The following CAMKMT variants were observed in gnomAD, a reference collection of about 807,000 sequenced individuals.
CAMKMT encodes the protein calmodulin-lysine N-methyltransferase.
Under a neutral mutation model 48.0 loss-of-function variants are expected in CAMKMT, and 53 were observed. The ratio of observed to expected loss-of-function variants is 1.10; its 90% confidence interval spans 0.89 to 1.39. The LOEUF (loss-of-function observed/expected upper bound fraction) is 1.39, where lower values mean the gene tolerates loss of function less well. Ranked by LOEUF, CAMKMT falls within the 40% of genes most tolerant of loss-of-function variation. CAMKMT has a pLI of 0.00. For missense variants in CAMKMT, 428 were observed against 402.7 expected, an observed-to-expected ratio of 1.06 and a Z score of -0.54; for synonymous variants, 165 against 152.3, an observed-to-expected ratio of 1.08 and a Z score of -0.61.
chr2:44,439,043 T>A lies in CAMKMT; in HGVS notation c.376+48738T>A, dbSNP rs148623816. On this transcript the variant is annotated intron_variant, in intron 3 of 10. Coordinates refer to ENST00000378494, the MANE Select transcript of CAMKMT (RefSeq NM_024766.5). Reference sequence around the variant, plus strand: ...ATTTTTGTACCTGTTTTAATTAAACTGATGACCTGAGCAAAGGGACAGGTA... The same window carrying A: ...ATTTTTGTACCTGTTTTAATTAAACAGATGACCTGAGCAAAGGGACAGGTA... Among the ~76,000 whole-genome samples the A allele has an allele frequency of 2.7e-3, 404 of 152,322 alleles. 2 individuals are homozygous for A. The highest frequency in any genetic ancestry group is 9.1e-3 in the African/African-American group (380 of 41,566).
chr2:44,704,658 CAATCCTTACTGATTGTGAAGGTCAAAAAA>C (rs1677446908), intron 4 of CAMKMT, among the ~76,000 whole-genome samples: 1 of 120,816 alleles, frequency 8.3e-6, no homozygotes, highest in Admixed American at 8.7e-5. Flanking sequence ...AAGCTCCAAT[CAATCCTTACTGATTGTGAAGGTCAAAAAA>C]AAAAAAAAAA....
intron 2 of CAMKMT, among the ~76,000 whole-genome samples, chr2:44,378,549 A>C (rs1045569866): frequency 3.6e-4 from 55 of 152,304 alleles, no homozygotes; most frequent in African/African-American, 1.3e-3. Context: ...GCTGGAGTGC[A>C]GTGGTGCAAT....
chr2:44,722,950 G>A (rs549987358), intron 7 of CAMKMT, among the ~76,000 whole-genome samples: 16 of 152,164 alleles, frequency 1.1e-4, no homozygotes, highest in Non-Finnish European at 1.0e-4. Context: ...CATGAGGGGG[G>A]TCTGAATGTT....
intron 3 of CAMKMT, among the ~76,000 whole-genome samples, chr2:44,466,972 C>T (rs768282831): frequency 2.0e-4 from 31 of 152,148 alleles, no homozygotes; most frequent in Non-Finnish European, 4.6e-4. Context: ...AAAAATAGGC[C>T]AGTCACGGTG....
intron 2 of CAMKMT, among the ~76,000 whole-genome samples, chr2:44,388,643 A>T (rs998740673): frequency 6.6e-6 from 1 of 152,166 alleles, no homozygotes; most frequent in East Asian, 1.9e-4. Flanking sequence ...AGGCTCCGTC[A>T]GAGGGAAGGT....
intron 2 of CAMKMT, among the ~76,000 whole-genome samples, chr2:44,386,960 C>A (rs1483482934): frequency 1.3e-5 from 2 of 152,042 alleles, no homozygotes; most frequent in African/African-American, 4.8e-5. Flanking sequence ...GGAGAAAGTT[C>A]CATGTGCTGT....
intron 6 of CAMKMT, 73 bp from the exon 7 acceptor site, chr2:44,715,214 A>ATT: frequency 1.4e-5 from 11 of 793,600 alleles, no homozygotes; most frequent in South Asian, 1.8e-5. Flanking sequence ...AAAAAAAAAG[A>ATT]TAACTGTTTC....
chr2:44,408,175 A>G (rs1333665387), intron 3 of CAMKMT, among the ~76,000 whole-genome samples: 1 of 151,666 alleles, frequency 6.6e-6, no homozygotes, highest in Non-Finnish European at 1.5e-5. Flanking sequence ...ACAGGTGCAC[A>G]CCACCACGTC....
intron 10 of CAMKMT, among the ~76,000 whole-genome samples, chr2:44,768,720 T>A (rs902822594): frequency 6.6e-6 from 1 of 152,178 alleles, no homozygotes; most frequent in Non-Finnish European, 1.5e-5. Flanking sequence ...CTGGCGGCTT[T>A]TGTTGGCCGC....
rs1282065719 is a variant in CAMKMT at position 44,656,469 on chromosome 2, T to C, written c.377-47814T>C. On this transcript the variant is annotated intron_variant, in intron 3 of 10. Transcript: ENST00000378494. ...ATGTAAACTCAGGTACATTACAGCTTTTCTCAAAAAGAATTTAATTATAAG... is the reference window on the plus strand; with the variant it reads ...ATGTAAACTCAGGTACATTACAGCTCTTCTCAAAAAGAATTTAATTATAAG... Among the ~76,000 whole-genome samples, 4 of 152,240 alleles carry C rather than the reference T, an allele frequency of 2.6e-5. No individual in the cohort carries two copies. The East Asian group carries it at 7.7e-4, about 29-fold the overall frequency.
chr2:44,678,692 T>C (rs961255064), intron 3 of CAMKMT, among the ~76,000 whole-genome samples: 4 of 152,246 alleles, frequency 2.6e-5, no homozygotes, highest in African/African-American at 4.8e-5. Context: ...CTTGTATTTT[T>C]ATCTCATGAG....
At chr2:44,374,117 CAAAAAA>C (rs59922847) in intron 2 of CAMKMT, among the ~76,000 whole-genome samples, 13 of 66,390 alleles carry the variant, frequency 2.0e-4, no homozygotes, top group African/African-American at 6.3e-4. Flanking sequence ...GACTCTGCCT[CAAAAAA>C]AAAAAAAAAA....
At chr2:44,655,571 T>G (rs75831983) in intron 3 of CAMKMT, among the ~76,000 whole-genome samples, 2,154 of 152,344 alleles carry the variant, frequency 0.014, 17 homozygotes, top group South Asian at 0.031. Flanking sequence ...TTCAACCATC[T>G]GAACTTATCT....
At chr2:44,585,144 A>G (rs915339483) in intron 3 of CAMKMT, among the ~76,000 whole-genome samples, 3 of 152,162 alleles carry the variant, frequency 2.0e-5, no homozygotes, top group Non-Finnish European at 2.9e-5. Flanking sequence ...TATACCTCCT[A>G]TAAGCCAGTC....
intron 3 of CAMKMT, among the ~76,000 whole-genome samples, chr2:44,425,850 C>A (rs1572845057): frequency 6.6e-6 from 1 of 152,100 alleles, no homozygotes; most frequent in African/African-American, 2.4e-5. Flanking sequence ...CCTGCCTCAG[C>A]CTCCCAAGTA....
At chr2:44,519,607 C>G (rs967209861) in intron 3 of CAMKMT, among the ~76,000 whole-genome samples, 16 of 152,208 alleles carry the variant, frequency 1.1e-4, no homozygotes, top group African/African-American at 3.9e-4. Flanking sequence ...ATCAGAAAGA[C>G]TTCAGAAAGG....
chr2:44,416,910 G>A (rs1683596515), intron 3 of CAMKMT, among the ~76,000 whole-genome samples: 1 of 151,806 alleles, frequency 6.6e-6, no homozygotes, highest in Non-Finnish European at 1.5e-5. Context: ...ATATTGTGGT[G>A]TGTATCTGTT....
chr2:44,531,732 T>A (rs1558682386), intron 3 of CAMKMT, among the ~76,000 whole-genome samples: 1 of 152,208 alleles, frequency 6.6e-6, no homozygotes, highest in Non-Finnish European at 1.5e-5. Context: ...TCTATGTTAT[T>A]GCAATTTTGA....
At chr2:44,482,127 A>C (rs995513371) in intron 3 of CAMKMT, among the ~76,000 whole-genome samples, 1 of 152,098 alleles carries the variant, frequency 6.6e-6, no homozygotes, top group Non-Finnish European at 1.5e-5. Flanking sequence ...TGCATAATAG[A>C]CTGATAGGGA....
Sources: gnomAD v4.1 joint callset for allele counts (sites outside exome capture counted in the v4.1 genomes callset) on GRCh38, gnomAD v4.1.1 for gene constraint, MANE v1.5 for transcripts, NCBI Gene and HGNC (gene_info 2026-07-23, HGNC 2026-07-21) for gene names.